Variants in DPYD observed in about 807,000 individuals in gnomAD.
DPYD encodes the protein dihydropyrimidine dehydrogenase [NADP(+)].
Under a neutral mutation model 116.2 loss-of-function variants are expected in DPYD, and 109 were observed. The ratio of observed to expected loss-of-function variants is 0.94; its 90% confidence interval spans 0.80 to 1.10. DPYD has a LOEUF of 1.10. Ranked by LOEUF, DPYD falls within the 50% of genes least tolerant of loss-of-function variation. The pLI is 0.00. For missense variants in DPYD, 1,302 were observed against 1,254.5 expected (o/e 1.04, Z -0.57); for synonymous variants, 440 against 432.0 (o/e 1.02, Z -0.23).
chr1:97,772,232 T>C (rs1347448913), intron 3 of DPYD, among the ~76,000 whole-genome samples: 7 of 152,202 alleles, frequency 4.6e-5, no homozygotes, highest in Admixed American at 4.6e-4. Context: ...CAATAACTAC[T>C]TCTTGAGTGT....
intron 12 of DPYD, among the ~76,000 whole-genome samples, chr1:97,516,210 A>T (rs1404435492): frequency 6.6e-6 from 1 of 151,958 alleles, no homozygotes; most frequent in African/African-American, 2.4e-5. Context: ...ACTGAGATTC[A>T]AATACAAAAG....
intron 5 of DPYD, among the ~76,000 whole-genome samples, chr1:97,705,142 T>TA (rs923774291): frequency 2.0e-5 from 3 of 151,908 alleles, no homozygotes; most frequent in South Asian, 2.1e-4. Context: ...TTTTTTTTTT[T>TA]AAATTATACT....
chr1:97,661,367 T>G (rs112470480), intron 8 of DPYD, among the ~76,000 whole-genome samples: 1 of 152,186 alleles, frequency 6.6e-6, no homozygotes, highest in Non-Finnish European at 1.5e-5. Flanking sequence ...TGTTCAATTA[T>G]TCGGCATTAT....
chr1:97,440,554 C>G (rs1359639533), intron 14 of DPYD, among the ~76,000 whole-genome samples: 2 of 151,948 alleles, frequency 1.3e-5, no homozygotes, highest in Admixed American at 6.6e-5. Flanking sequence ...ACTCTTAGAG[C>G]ATCTTTGAAT....
chr1:97,197,983 G>A (rs1658931657), intron 19 of DPYD, among the ~76,000 whole-genome samples: 1 of 152,126 alleles, frequency 6.6e-6, no homozygotes, highest in Non-Finnish European at 1.5e-5. Flanking sequence ...TACAAAATGA[G>A]TAGTTTAATT....
chr1:97,595,233 A>AC, intron 8 of DPYD, 67 bp from the exon 9 acceptor site: 1 of 1,273,956 alleles, frequency 7.8e-7, no homozygotes, highest in Non-Finnish European at 1.1e-6. Flanking sequence ...ATATTAAAAC[A>AC]AAAAAGAAAA....
chr1:97,443,594 T>A (rs111241205), intron 14 of DPYD, among the ~76,000 whole-genome samples: 139 of 152,358 alleles, frequency 9.1e-4, no homozygotes, highest in African/African-American at 3.2e-3. Flanking sequence ...GAGACTTACA[T>A]TTCTCTTTGT....
chr1:97,324,537 G>T (rs1400601104), intron 16 of DPYD, among the ~76,000 whole-genome samples: 4 of 152,024 alleles, frequency 2.6e-5, no homozygotes, highest in Non-Finnish European at 5.9e-5. Context: ...TGGCCGAGCA[G>T]GTCCTTAGTT....
intron 13 of DPYD, among the ~76,000 whole-genome samples, chr1:97,483,875 A>T (rs4451581): frequency 3.3e-5 from 5 of 151,676 alleles, no homozygotes; most frequent in Non-Finnish European, 7.4e-5. Context: ...TTCCTAGCTA[A>T]CAGAACTGTG....
At chr1:97,518,186 T>TACACAC (rs59460571) in intron 12 of DPYD, among the ~76,000 whole-genome samples, 15 of 150,982 alleles carry the variant, frequency 9.9e-5, no homozygotes, top group South Asian at 6.3e-4. Context: ...AATAATAAAA[T>TACACAC]ACACACACAC....
chr1:97,464,309 CA>C (rs1677191675), intron 13 of DPYD, among the ~76,000 whole-genome samples: 1 of 146,642 alleles, frequency 6.8e-6, no homozygotes, highest in Non-Finnish European at 1.5e-5. Context: ...TTCAACCTGG[CA>C]ATGAGATAAA....
chr1:97,269,494 A>G (rs1305339073), intron 18 of DPYD, among the ~76,000 whole-genome samples: 3 of 152,138 alleles, frequency 2.0e-5, no homozygotes, highest in Non-Finnish European at 4.4e-5. Context: ...CTCGGTACCA[A>G]TTTCCTGTCT....
chr1:97,700,053 T>C (rs1168892185), intron 5 of DPYD: 7 of 348,308 alleles, frequency 2.0e-5, no homozygotes, highest in South Asian at 8.9e-5. Context: ...GGGAGAATAA[T>C]GATTTAAAAA....
chr1:97,887,293 A>T (rs1488793355), intron 1 of DPYD, among the ~76,000 whole-genome samples: 1 of 151,516 alleles, frequency 6.6e-6, no homozygotes, highest in Non-Finnish European at 1.5e-5. Context: ...AACACAGTGA[A>T]TCCCCATCTC....
chr1:97,218,188 CTAA>C (rs1182537544), intron 19 of DPYD, among the ~76,000 whole-genome samples: 1 of 151,968 alleles, frequency 6.6e-6, no homozygotes, highest in African/African-American at 2.4e-5. Context: ...AATGTTAAAA[CTAA>C]CAACAGGGTT....
At chr1:97,279,281 A>T (rs1474790235) in intron 18 of DPYD, among the ~76,000 whole-genome samples, 4 of 152,188 alleles carry the variant, frequency 2.6e-5, no homozygotes, top group Non-Finnish European at 5.9e-5. Context: ...TTGTAAAATG[A>T]TAACTGACTT....
At chr1:97,334,517 C>A (rs140069075) in intron 16 of DPYD, among the ~76,000 whole-genome samples, 1 of 152,118 alleles carries the variant, frequency 6.6e-6, no homozygotes, top group Non-Finnish European at 1.5e-5. Context: ...ATGCATATTG[C>A]GTGGTCTGTG....
chr1:97,212,721 A>G (rs1343022530), intron 19 of DPYD, among the ~76,000 whole-genome samples: 2 of 152,106 alleles, frequency 1.3e-5, no homozygotes, highest in African/African-American at 4.8e-5. Context: ...CCACATCCTC[A>G]CCGTCATTAA....
chr1:97,329,701 C>T (rs955577686), intron 16 of DPYD, among the ~76,000 whole-genome samples: 10 of 148,518 alleles, frequency 6.7e-5, no homozygotes, highest in Non-Finnish European at 1.5e-4. Context: ...TACAGTGAGC[C>T]GAGACTGTGC....
Sources: allele counts gnomAD v4.1 joint callset (sites outside exome capture counted in the v4.1 genomes callset), GRCh38; gene constraint gnomAD v4.1.1; transcripts MANE v1.5; gene names NCBI Gene and HGNC (gene_info 2026-07-23, HGNC 2026-07-21).